Variants in CPNE4 observed in about 807,000 individuals in gnomAD.
CPNE4 encodes copine-4.
In CPNE4, 25 loss-of-function variants were observed where a neutral mutation model predicts 67.9. That is an observed-to-expected ratio of 0.37 (90% CI 0.27 to 0.51). The LOEUF is 0.51. CPNE4 is among the 20% of genes least tolerant of loss of function. The pLI is 0.93. For missense variants in CPNE4, 464 were observed against 690.8 expected, an observed-to-expected ratio of 0.67 and a Z score of 3.68; for synonymous variants, 242 against 244.9, an observed-to-expected ratio of 0.99 and a Z score of 0.11.
chr3:131,851,227 C>T (rs1186639444), intron 2 of CPNE4, among the ~76,000 whole-genome samples: 1 of 152,026 alleles, frequency 6.6e-6, no homozygotes, highest in African/African-American at 2.4e-5. Context: ...AGGACCTAGA[C>T]ATTATCTATA....
intron 7 of CPNE4, among the ~76,000 whole-genome samples, chr3:131,647,066 T>G (rs1319340365): frequency 6.6e-6 from 1 of 152,154 alleles, no homozygotes; most frequent in Admixed American, 6.5e-5. Context: ...GATTCAGAGG[T>G]AACTCTGAGG....
chr3:131,573,588 C>T (rs1037420623), intron 10 of CPNE4, among the ~76,000 whole-genome samples: 1 of 152,088 alleles, frequency 6.6e-6, no homozygotes, highest in African/African-American at 2.4e-5. Context: ...CTAAACCAGA[C>T]TGAAATCAAT....
chr3:131,778,935 C>T (rs1263447446), intron 2 of CPNE4, among the ~76,000 whole-genome samples: 1 of 151,968 alleles, frequency 6.6e-6, no homozygotes, highest in African/African-American at 2.4e-5. Context: ...CCTAGAAAAA[C>T]CTCACAGTCT....
chr3:131,568,569 GCA>G (rs1230744527), intron 10 of CPNE4, among the ~76,000 whole-genome samples: 1 of 151,990 alleles, frequency 6.6e-6, no homozygotes, highest in East Asian at 1.9e-4. Context: ...TCTGCAGGCA[GCA>G]CAAGAACAGG....
At position 131,751,036 on chromosome 3, in the gene CPNE4, A is replaced by G. The variant is rs374720114; in HGVS notation, c.181-27411T>C. ...CTGTCATTCAAATTGTTTTTACCCT[A>G]TAGGCAAAATGTCATTTTTCTTTAC... On this transcript the variant is annotated intron_variant, in intron 2 of 15. Transcript: ENST00000429747. Among the ~76,000 whole-genome samples the G allele has an allele frequency of 3.9e-5, 6 of 152,196 alleles. No individual in the cohort carries two copies. In the East Asian group the frequency reaches 5.8e-4, roughly 15 times the overall value.
chr3:131,861,511 A>G (rs1191676166), intron 2 of CPNE4, among the ~76,000 whole-genome samples: 2 of 148,964 alleles, frequency 1.3e-5, no homozygotes, highest in African/African-American at 5.0e-5. Flanking sequence ...GCTCATGGTA[A>G]CCTCCCCCTC....
intron 7 of CPNE4, among the ~76,000 whole-genome samples, chr3:131,634,767 A>C (rs1041277097): frequency 1.3e-5 from 2 of 152,162 alleles, no homozygotes; most frequent in Non-Finnish European, 2.9e-5. Context: ...AAAAATTTTT[A>C]GTTATGTTTT....
chr3:131,882,272 TA>T (rs1398049163), intron 2 of CPNE4, among the ~76,000 whole-genome samples: 1 of 152,158 alleles, frequency 6.6e-6, no homozygotes, highest in African/African-American at 2.4e-5. Flanking sequence ...AAATAATTAA[TA>T]AACTTCTTAA....
chr3:131,587,437 T>G lies in CPNE4; in HGVS notation c.780+47A>C, dbSNP rs1426636953. 3.5e-6 allele frequency: 4 copies of G among 1,158,792 alleles called. No individual in the cohort carries two copies. The South Asian group carries it at 4.9e-5, about 14-fold the overall frequency. The allele number at this position is 1,158,792 out of a possible 1,614,324, so 71.8% of individuals were successfully genotyped here. On this transcript the variant is annotated intron_variant, in intron 8 of 15. Coordinates refer to ENST00000429747, the MANE Select transcript of CPNE4 (RefSeq NM_130808.3). ...TTCATTGGTAGCTGTGTTCTAAGGA[T>G]GCATCATACCGACTGGAGGCAAAAC...
At chr3:131,633,371 T>C (rs1305513572) in intron 7 of CPNE4, among the ~76,000 whole-genome samples, 1 of 152,262 alleles carries the variant, frequency 6.6e-6, no homozygotes, top group South Asian at 2.1e-4. Flanking sequence ...TAGAAGTACC[T>C]ATTCTTCTCA....
At chr3:131,680,818 C>A (rs2080731115) in intron 6 of CPNE4, among the ~76,000 whole-genome samples, 1 of 152,084 alleles carries the variant, frequency 6.6e-6, no homozygotes, top group Admixed American at 6.6e-5. Context: ...ATCGCTCAAC[C>A]CCCTCCCACC....
At chr3:132,018,357 G>T (rs1266278923) in intron 1 of CPNE4, among the ~76,000 whole-genome samples, 1 of 152,166 alleles carries the variant, frequency 6.6e-6, no homozygotes, top group East Asian at 1.9e-4. Context: ...ACTGTGGCAT[G>T]AACAATATTT....
In CPNE4 at chr3:131,542,569, C is replaced by T. The variant is rs149482974; in HGVS notation, c.1527G>A (p.Arg509=). 30 of 1,613,700 alleles carry T rather than the reference C, an allele frequency of 1.9e-5. No homozygotes were observed. In the East Asian group the frequency reaches 6.7e-4, roughly 36 times the overall value. The change falls in exon 15 of 16, where the codon AGG becomes AGA. Residue 509 remains arginine (R), a synonymous_variant. Transcript: ENST00000429747. ...TGTATATGCATACGTGTTTGAAGTT[C>T]CTGAAGGGCACGAACTGGACGATGT... The part of the protein sequence containing the change: ...LRDIVQFVPF[R]NFKHASPAAL...
chr3:131,895,923 TA>T (rs1416682520), intron 2 of CPNE4, among the ~76,000 whole-genome samples: 1 of 151,974 alleles, frequency 6.6e-6, no homozygotes, highest in African/African-American at 2.4e-5. Context: ...TTTCAATGGC[TA>T]AAAAACTTAT....
At chr3:132,005,324 T>C (rs535960304) in intron 1 of CPNE4, among the ~76,000 whole-genome samples, 2 of 51,056 alleles carry the variant, frequency 3.9e-5, no homozygotes, top group Admixed American at 1.2e-4. Context: ...CATATATATA[T>C]ATATATATAT....
At position 131,736,150 on chromosome 3, in the gene CPNE4, G is replaced by A. The variant is rs567692793; in HGVS notation, c.181-12525C>T. 1.8e-4 allele frequency among the ~76,000 whole-genome samples: 27 copies of A among 149,338 alleles called. 1 individual carries two copies. In the South Asian group the frequency reaches 5.8e-3, roughly 32 times the overall value. ...CCTGCCCAGTGACAAATCCAGGGTAGTGCCCATGTGGCAGTAATTAACTTA... is the reference window on the plus strand; with the variant it reads ...CCTGCCCAGTGACAAATCCAGGGTAATGCCCATGTGGCAGTAATTAACTTA... On this transcript the variant is annotated intron_variant, in intron 2 of 15. Transcript: ENST00000429747.
rs144426954 is a variant in CPNE4 at position 131,841,038 on chromosome 3, T to G, written c.180+64226A>C. On this transcript the variant is annotated intron_variant, in intron 2 of 15. Transcript: ENST00000429747. ...AGAAATGTTGTTTTCGTTCTTCAAATAAGTGTAGTCTATCACCATACTAAG... is the reference window on the plus strand; with the variant it reads ...AGAAATGTTGTTTTCGTTCTTCAAAGAAGTGTAGTCTATCACCATACTAAG... Among the ~76,000 whole-genome samples the G allele has an allele frequency of 3.7e-4, 56 of 152,292 alleles. No individual in the cohort carries two copies. The East Asian group carries it at 0.01, about 28-fold the overall frequency.
intron 2 of CPNE4, among the ~76,000 whole-genome samples, chr3:131,761,134 G>T (rs903432351): frequency 7.2e-5 from 9 of 124,168 alleles, no homozygotes; most frequent in Admixed American, 1.7e-4. Context: ...GAGACAGTAA[G>T]GTAGAGGAAG....
chr3:131,835,349 T>C (rs1311499095), intron 2 of CPNE4, among the ~76,000 whole-genome samples: 4 of 152,040 alleles, frequency 2.6e-5, no homozygotes, highest in African/African-American at 9.7e-5. Context: ...GCCAACGTGG[T>C]GAAATACCAT....
Sources: gnomAD v4.1 joint callset for allele counts (sites outside exome capture counted in the v4.1 genomes callset) on GRCh38, gnomAD v4.1.1 for gene constraint, MANE v1.5 for transcripts, NCBI Gene and HGNC (gene_info 2026-07-23, HGNC 2026-07-21) for gene names.